The following PPM1K variants were observed in gnomAD, a reference collection of about 807,000 sequenced individuals.
PPM1K encodes protein phosphatase, Mg2+/Mn2+ dependent 1K, also known as protein phosphatase Mn(2+)-dependent 1K.
Under a neutral mutation model 32.6 loss-of-function variants are expected in PPM1K, and 19 were observed. The observed-to-expected ratio is 0.58, with a 90% CI of 0.41 to 0.86. The LOEUF (loss-of-function observed/expected upper bound fraction) is 0.86. Among genes scored for constraint, PPM1K ranks in the 40% least tolerant of loss-of-function variants. The probability of loss-of-function intolerance (pLI) is 0.00; values close to 1 mark genes in which losing one functional copy is unlikely to be tolerated. For synonymous variants in PPM1K, 159 were observed against 165.3 expected (o/e 0.96, Z 0.29); for missense variants, 362 against 461.2 (o/e 0.78, Z 1.97).
At position 88,278,726 on chromosome 4, in the gene PPM1K, C is replaced by A; in HGVS notation, c.-59-84G>T. Reference sequence around the variant, plus strand: ...AGGGAGAGAGACAGAGAGAGAGAGACCATCAGAAATTTTGAATATAACTGA... The same window carrying A: ...AGGGAGAGAGACAGAGAGAGAGAGAACATCAGAAATTTTGAATATAACTGA... On this transcript the variant is annotated intron_variant, in intron 1 of 6. Transcript: ENST00000608933. The surrounding 1 kb of genome is among the most constrained non-coding windows in gnomAD (Gnocchi z 4.2). 3.1e-6 allele frequency: 2 copies of A among 640,456 alleles called. No individual in the cohort carries two copies. Among genetic ancestry groups the A allele is most frequent in the South Asian group, 2.1e-5 (1 of 47,290 alleles). 39.7% of individuals were successfully genotyped at this position (640,456 alleles called of 1,614,324 possible). A position where few individuals can be genotyped will look rare whatever the true frequency, so the allele number is the denominator to read the frequency against.
intron 3 of PPM1K, chr4:88,276,229 A>C: frequency 1.0e-6 from 1 of 985,450 alleles, no homozygotes; most frequent in South Asian, 4.7e-5. Context: ...TATGTATTCC[A>C]ACTGAAGACT....
At chr4:88,276,033 C>A (rs1731753621) in intron 3 of PPM1K, 1 of 985,054 alleles carries the variant, frequency 1.0e-6, no homozygotes. Context: ...GTAAGGTTCT[C>A]AAAAAAAGCT....
intron 1 of PPM1K, chr4:88,279,330 A>G (rs1378161111): frequency 1.3e-5 from 2 of 152,232 alleles, no homozygotes; most frequent in Non-Finnish European, 2.9e-5. Flanking sequence ...TTTACATACT[A>G]TATTACTATG....
intron 4 of PPM1K, 144 bp from the exon 5 acceptor site, chr4:88,268,478 G>C: frequency 1.0e-6 from 1 of 955,426 alleles, no homozygotes; most frequent in South Asian, 1.5e-5. Flanking sequence ...AAAATTAGCC[G>C]AGCGTGTTGG....
At chr4:88,265,428 G>C (rs1190210322) in intron 5 of PPM1K, among the ~76,000 whole-genome samples, 1 of 152,150 alleles carries the variant, frequency 6.6e-6, no homozygotes, top group African/African-American at 2.4e-5. Context: ...ATAAAGGGTA[G>C]TTCCCCTGCA....
At chr4:88,266,675 GA>G (rs1731322787) in intron 5 of PPM1K, among the ~76,000 whole-genome samples, 10 of 149,506 alleles carry the variant, frequency 6.7e-5, no homozygotes, top group Non-Finnish European at 1.5e-4. Context: ...GGGTGCAGGT[GA>G]TGCTGGCTGA....
chr4:88,265,632 G>A (rs1731274009), intron 5 of PPM1K, among the ~76,000 whole-genome samples: 1 of 152,194 alleles, frequency 6.6e-6, no homozygotes, highest in Non-Finnish European at 1.5e-5. Flanking sequence ...CAGTGAAAAT[G>A]TAAAGCCTAC....
At chr4:88,264,578 A>G (rs1731236709) in intron 6 of PPM1K, among the ~76,000 whole-genome samples, 1 of 152,194 alleles carries the variant, frequency 6.6e-6, no homozygotes, top group Admixed American at 6.5e-5. Context: ...ACCTTCAGTG[A>G]TTAACTCTGT....
At position 88,257,738 on chromosome 4, in the gene PPM1K, A is replaced by C. The variant is rs1730959377; in HGVS notation, c.*4857T>G. ...AAACAATGGTCAAAGCAGCAATTAC[A>C]TTAACTCACTGCAGGAGTCATTATA... On this transcript the variant is annotated 3_prime_UTR_variant, in exon 7 of 7. Coordinates refer to ENST00000608933, the MANE Select transcript of PPM1K (RefSeq NM_152542.5). 6.6e-6 allele frequency: 1 copy of C among 152,254 alleles called. No homozygotes were observed. Among genetic ancestry groups the C allele is most frequent in the South Asian group, 2.1e-4 (1 of 4,838 alleles). The allele number at this position is 152,254 out of a possible 1,614,324, so 9.4% of individuals were successfully genotyped here.
Position 88,277,102 on chromosome 4 carries a change from T to C in PPM1K, c.541+41A>G, listed in dbSNP as rs369887433. 9.7e-5 allele frequency: 139 copies of C among 1,430,182 alleles called. No homozygotes were observed. The African/African-American group carries it at 1.6e-3, about 17-fold the overall frequency. 88.6% of individuals were successfully genotyped at this position (1,430,182 alleles called of 1,614,324 possible). ...TCCTTTTTACTCCTCCCCCACCCCA[T>C]GTACTCCCTAGGATCCAAGGAATGT... On this transcript the variant is annotated intron_variant, in intron 3 of 6. Transcript: ENST00000608933.
intron 2 of PPM1K, chr4:88,277,593 C>T (rs540074365): frequency 5.9e-4 from 127 of 215,624 alleles, no homozygotes; most frequent in Non-Finnish European, 1.0e-3. Context: ...AAAATAGTCA[C>T]ATGGTCGTAA....
rs961908662 is a variant in PPM1K, at chr4:88,278,094, G to C, written c.440+50C>G. On this transcript the variant is annotated intron_variant, in intron 2 of 6. Transcript: ENST00000608933. This position sits in a 1 kb window ranked among gnomAD's most constrained non-coding sequence, Gnocchi z 4.2. ...CCTCAGCCAAAGGGTGAAAGTTTAA[G>C]TAGGAAGTATAGGAACTGCAAAGTC... The C allele has an allele frequency of 6.7e-7, 1 of 1,495,394 alleles. No individual in the cohort carries two copies. The highest frequency in any genetic ancestry group is 1.4e-5 in the African/African-American group (1 of 72,618). 92.6% of individuals were successfully genotyped at this position (1,495,394 alleles called of 1,614,324 possible).
intron 1 of PPM1K, chr4:88,279,332 A>G (rs1201432257): frequency 6.6e-6 from 1 of 152,206 alleles, no homozygotes. Context: ...TACATACTAT[A>G]TTACTATGGT....
At chr4:88,276,082 G>C (rs1731755647) in intron 3 of PPM1K, 1 of 985,290 alleles carries the variant, frequency 1.0e-6, no homozygotes, top group Non-Finnish European at 1.2e-6. Context: ...AGCCATCGCA[G>C]AGTTACCTTC....
intron 1 of PPM1K, among the ~76,000 whole-genome samples, chr4:88,282,156 A>T (rs1302308500): frequency 2.0e-5 from 3 of 152,214 alleles, no homozygotes; most frequent in Non-Finnish European, 4.4e-5. Context: ...TTTTGATCGG[A>T]AAACATGGCT....
chr4:88,282,203 A>G (rs1253700413), intron 1 of PPM1K, among the ~76,000 whole-genome samples: 7 of 152,180 alleles, frequency 4.6e-5, no homozygotes, highest in Non-Finnish European at 8.8e-5. Flanking sequence ...ATTATATTCA[A>G]TCTTTGGAAG....
intron 3 of PPM1K, chr4:88,275,154 A>G (rs1731714949): frequency 1.9e-6 from 1 of 533,074 alleles, no homozygotes; most frequent in Non-Finnish European, 2.4e-6. Flanking sequence ...ATTAAATTAA[A>G]TAATGCATTT....
intron 5 of PPM1K, among the ~76,000 whole-genome samples, chr4:88,267,048 A>ATGCAGGTGATGCTGATTGGG (rs1303805933): frequency 1.0e-5 from 1 of 96,116 alleles, no homozygotes; most frequent in Non-Finnish European, 2.1e-5. Context: ...GGCTGACTGG[A>ATGCAGGTGATGCTGATTGGG]TGCAGGTGAT....
chr4:88,274,430 C>T (rs1731684183), intron 3 of PPM1K, among the ~76,000 whole-genome samples: 1 of 152,070 alleles, frequency 6.6e-6, no homozygotes, highest in Non-Finnish European at 1.5e-5. Context: ...GAGTACCTGC[C>T]AGGTTCTATG....
Sources: allele counts gnomAD v4.1 joint callset (sites outside exome capture counted in the v4.1 genomes callset), GRCh38; gene constraint gnomAD v4.1.1; non-coding constraint Gnocchi (gnomAD v3.1); transcripts MANE v1.5; gene names NCBI Gene and HGNC (gene_info 2026-07-23, HGNC 2026-07-21).